ACYP2: variants seen among roughly 807,000 people sequenced by gnomAD.
ACYP2 encodes the protein acylphosphatase 2.
A neutral mutation model predicts 11.2 loss-of-function variants in ACYP2; 12 were observed. The observed-to-expected ratio is 1.08, with a 90% CI of 0.69 to 1.74. ACYP2 has a LOEUF of 1.74. Among genes scored for constraint, ACYP2 ranks in the 40% most tolerant of loss-of-function variants. The pLI, the probability that ACYP2 is intolerant of heterozygous loss-of-function variation, is 0.00. For synonymous variants in ACYP2, 43 were observed against 32.2 expected, an observed-to-expected ratio of 1.33 and a Z score of -1.13; for missense variants, 134 against 101.9, an observed-to-expected ratio of 1.31 and a Z score of -1.35.
intron 2 of ACYP2, among the ~76,000 whole-genome samples, chr2:54,034,517 A>G (rs887207270): frequency 6.6e-6 from 1 of 152,228 alleles, no homozygotes; most frequent in Non-Finnish European, 1.5e-5. Flanking sequence ...GTGATAGTCT[A>G]TCCCCTATCA....
chr2:54,118,182 T>C (rs1679927195), intron 4 of ACYP2, among the ~76,000 whole-genome samples: 1 of 152,252 alleles, frequency 6.6e-6, no homozygotes, highest in African/African-American at 2.4e-5. Flanking sequence ...CTGAACATTA[T>C]GCATGGATCT....
intron 6 of ACYP2, among the ~76,000 whole-genome samples, chr2:54,298,538 G>C (rs971935034): frequency 6.6e-6 from 1 of 152,194 alleles, no homozygotes; most frequent in African/African-American, 2.4e-5. Flanking sequence ...CAGATGAGCG[G>C]GTGGTAATGC....
In ACYP2 at chr2:54,108,050, G is replaced by A. The variant is rs895061870; in HGVS notation, c.278-27403G>A. 2.6e-5 allele frequency among the ~76,000 whole-genome samples: 4 copies of A among 152,134 alleles called. No individual in the cohort carries two copies. The East Asian group carries it at 5.8e-4, about 22-fold the overall frequency. ...TATGATATTAATTAGTAAAACAGATGTCCTGTGCCCTGCCTCTTGGTGCCC... is the reference window on the plus strand; with the variant it reads ...TATGATATTAATTAGTAAAACAGATATCCTGTGCCCTGCCTCTTGGTGCCC... On this transcript the variant is annotated intron_variant, in intron 4 of 6. Transcript: ENST00000607452.
At chr2:54,152,270 T>A (rs1682215912) in intron 6 of ACYP2, among the ~76,000 whole-genome samples, 1 of 151,910 alleles carries the variant, frequency 6.6e-6, no homozygotes, top group South Asian at 2.1e-4. Context: ...AACACGTACA[T>A]GATGCTCAGC....
chr2:54,224,309 A>T (rs187804982), intron 6 of ACYP2, among the ~76,000 whole-genome samples: 1 of 152,178 alleles, frequency 6.6e-6, no homozygotes, highest in Non-Finnish European at 1.5e-5. Flanking sequence ...GATGTGCTAA[A>T]CATTGAAGGG....
At position 54,262,905 on chromosome 2, in the gene ACYP2, A is replaced by C. The variant is rs188856326; in HGVS notation, c.405-41783A>C. 2.2e-3 allele frequency among the ~76,000 whole-genome samples: 339 copies of C among 152,160 alleles called. 2 individuals are homozygous for C. The highest frequency in any genetic ancestry group is 6.5e-3 in the African/African-American group (268 of 41,508). On this transcript the variant is annotated intron_variant, in intron 6 of 6. Coordinates refer to ENST00000607452, the MANE Select transcript of ACYP2 (RefSeq NM_001320586.2). ...TTTATTGAACGGTCTTTGAAGTAGGAGTAAGATTTATGTATGTGATAGAAG... is the reference window on the plus strand; with the variant it reads ...TTTATTGAACGGTCTTTGAAGTAGGCGTAAGATTTATGTATGTGATAGAAG...
At chr2:54,183,621 T>C (rs1683841453) in intron 6 of ACYP2, among the ~76,000 whole-genome samples, 2 of 152,218 alleles carry the variant, frequency 1.3e-5, no homozygotes, top group African/African-American at 4.8e-5. Context: ...TATTAAAATG[T>C]GCCTAATTTG....
intron 2 of ACYP2, among the ~76,000 whole-genome samples, chr2:54,028,322 A>G (rs1233394746): frequency 6.6e-6 from 1 of 152,172 alleles, no homozygotes; most frequent in Non-Finnish European, 1.5e-5. Context: ...TAAGGGGACG[A>G]GAATGTTGGG....
At chr2:54,149,717 T>A (rs1397940482) in intron 6 of ACYP2, among the ~76,000 whole-genome samples, 1 of 152,182 alleles carries the variant, frequency 6.6e-6, no homozygotes, top group African/African-American at 2.4e-5. Context: ...TTGCTACATA[T>A]TTTTTAAACC....
chr2:54,122,620 A>G (rs1188843116), intron 4 of ACYP2, among the ~76,000 whole-genome samples: 1 of 152,208 alleles, frequency 6.6e-6, no homozygotes, highest in East Asian at 1.9e-4. Flanking sequence ...AAATGTCTCC[A>G]CATCTACCTT....
chr2:54,246,554 A>G (rs138016357), intron 6 of ACYP2, among the ~76,000 whole-genome samples: 78 of 152,186 alleles, frequency 5.1e-4, no homozygotes, highest in African/African-American at 1.9e-3. Context: ...TCTAAAATCT[A>G]TTGATATAAT....
At chr2:54,089,222 GCAGT>G (rs1558520039) in intron 4 of ACYP2, among the ~76,000 whole-genome samples, 1 of 152,122 alleles carries the variant, frequency 6.6e-6, no homozygotes, top group East Asian at 1.9e-4. Context: ...GATACACTAA[GCAGT>G]CAATGAACCT....
rs533623746 is a variant in ACYP2, at chr2:54,190,197, A to G, written c.404+51449A>G. Among the ~76,000 whole-genome samples the G allele has an allele frequency of 3.0e-4, 46 of 152,228 alleles. 1 individual carries two copies. In the South Asian group the frequency reaches 9.1e-3, roughly 30 times the overall value. On this transcript the variant is annotated intron_variant, in intron 6 of 6. Coordinates refer to ENST00000607452, the MANE Select transcript of ACYP2 (RefSeq NM_001320586.2). ...GTTGATTGTTTCCTTTGCTGTGCAG[A>G]AGCTTTTTAGTGTGATGTAGTCCTA...
At chr2:54,280,303 G>A (rs1407312098) in intron 6 of ACYP2, among the ~76,000 whole-genome samples, 1 of 152,164 alleles carries the variant, frequency 6.6e-6, no homozygotes, top group Non-Finnish European at 1.5e-5. Context: ...GAAAGTCTGT[G>A]ACTGCCCAGA....
Position 54,255,309 on chromosome 2 carries a change from T to G in ACYP2, c.405-49379T>G, listed in dbSNP as rs751834376. The G allele has an allele frequency of 3.1e-6, 5 of 1,614,208 alleles. No individual in the cohort carries two copies. The highest frequency in any genetic ancestry group is 1.6e-4 in the Middle Eastern group (1 of 6,062). On this transcript the variant is annotated intron_variant, in intron 6 of 6. Coordinates refer to ENST00000607452, the MANE Select transcript of ACYP2 (RefSeq NM_001320586.2). ...TCCTAGGGTGTCTGAGCTCCTTCAC[T>G]TCCAAATTGGTTAAGTAGCTTAACA...
chr2:54,142,000 T>C, intron 6 of ACYP2: 1 of 462,618 alleles, frequency 2.2e-6, no homozygotes, highest in Non-Finnish European at 3.9e-6. Context: ...TGTGTGTGTG[T>C]GTGTGTGTGT....
At chr2:54,251,611 C>G (rs184188216) in intron 6 of ACYP2, among the ~76,000 whole-genome samples, 3 of 151,952 alleles carry the variant, frequency 2.0e-5, no homozygotes, top group Non-Finnish European at 4.4e-5. Context: ...GGAGACAATT[C>G]TCCCATGTGT....
chr2:54,111,302 G>T (rs1344270541), intron 4 of ACYP2, among the ~76,000 whole-genome samples: 4 of 152,092 alleles, frequency 2.6e-5, no homozygotes, highest in Non-Finnish European at 5.9e-5. Context: ...GAGCCTAAAT[G>T]GATTTCAAAA....
chr2:54,228,825 G>A (rs843765), intron 6 of ACYP2, among the ~76,000 whole-genome samples: 77,812 of 151,846 alleles, frequency 0.51, 20,247 homozygotes, highest in East Asian at 0.67. Context: ...CATAACCAGG[G>A]GACTGAGACT....
Sources: gnomAD v4.1 joint callset for allele counts (sites outside exome capture counted in the v4.1 genomes callset) on GRCh38, gnomAD v4.1.1 for gene constraint, MANE v1.5 for transcripts, NCBI Gene and HGNC (gene_info 2026-07-23, HGNC 2026-07-21) for gene names.